ICE2: variants seen among roughly 807,000 people sequenced by gnomAD.
ICE2 encodes the protein interactor of little elongation complex ELL subunit 2.
A neutral mutation model predicts 105.4 loss-of-function variants in ICE2; 87 were observed. The ratio of observed to expected loss-of-function variants is 0.83; its 90% CI spans 0.69 to 0.99. ICE2 has a LOEUF of 0.99. ICE2 is among the 50% of genes least tolerant of loss of function. The probability of loss-of-function intolerance (pLI) is 0.00; values close to 1 mark genes in which losing one functional copy is unlikely to be tolerated. For synonymous variants in ICE2, 399 were observed against 392.0 expected (o/e 1.02, Z -0.21); for missense variants, 1,323 against 1,146.7 (o/e 1.15, Z -2.22).
intron 5 of ICE2, among the ~76,000 whole-genome samples, chr15:60,458,391 T>C (rs1309980215): frequency 6.6e-6 from 1 of 152,094 alleles, no homozygotes; most frequent in Non-Finnish European, 1.5e-5. Flanking sequence ...TTATAAAAAA[T>C]GCCCCCTAAA....
chr15:60,467,912 A>G, intron 4 of ICE2, 149 bp downstream of exon 4: 1 of 665,426 alleles, frequency 1.5e-6, no homozygotes, highest in Non-Finnish European at 2.3e-6. Flanking sequence ...AACCAACAAA[A>G]GAATTAAAGC....
intron 9 of ICE2, chr15:60,451,033 G>A (rs2063953151): frequency 3.0e-6 from 1 of 336,868 alleles, no homozygotes; most frequent in Non-Finnish European, 4.2e-6. Flanking sequence ...TTCAAAGCAA[G>A]AAGCGTTATA....
chr15:60,432,052 T>C, intron 13 of ICE2, 68 bp from the exon 14 acceptor site: 1 of 801,976 alleles, frequency 1.2e-6, no homozygotes, highest in Non-Finnish European at 2.1e-6. Flanking sequence ...TTATAGCTCC[T>C]CAGGCAGAGA....
Position 60,467,266 on chromosome 15 carries a change from AT to A in ICE2, c.409-554del, listed in dbSNP as rs539330930. Among the ~76,000 whole-genome samples, 10 of 152,180 alleles carry A rather than the reference AT, an allele frequency of 6.6e-5. No homozygotes were observed. The East Asian group carries it at 1.9e-3, about 29-fold the overall frequency. On this transcript the variant is annotated intron_variant, in intron 4 of 15. Coordinates refer to ENST00000261520, the MANE Select transcript of ICE2 (RefSeq NM_024611.6). ...GCATGAGCCACTGGGCCTGGCCTCAATTTTTTTTAAAAAGACATACATCCGA... is the reference window on the plus strand; with the variant it reads ...GCATGAGCCACTGGGCCTGGCCTCAATTTTTTTAAAAAGACATACATCCGA...
chr15:60,456,652 C>T lies in ICE2; in HGVS notation c.666+5G>A, dbSNP rs1453082370. On this transcript the variant is annotated splice_donor_5th_base_variant and intron_variant, in intron 6 of 15. Transcript: ENST00000261520. Reference sequence around the variant, plus strand: ...AAGCTTATATCGTCTGATAATAAACCTTACCAATGCGAGAAGAGTTTTTTC... The same window carrying T: ...AAGCTTATATCGTCTGATAATAAACTTTACCAATGCGAGAAGAGTTTTTTC... 1.9e-6 allele frequency: 3 copies of T among 1,553,210 alleles called. No individual in the cohort carries two copies. The highest frequency in any genetic ancestry group is 2.6e-6 in the Non-Finnish European group (3 of 1,148,614).
At chr15:60,445,223 A>G (rs2063797788) in intron 11 of ICE2, among the ~76,000 whole-genome samples, 1 of 152,230 alleles carries the variant, frequency 6.6e-6, no homozygotes, top group Non-Finnish European at 1.5e-5. Flanking sequence ...GTTGGTTTTT[A>G]GGTAGGAAAT....
intron 12 of ICE2, chr15:60,441,258 C>T (rs1011143672): frequency 6.6e-6 from 1 of 152,172 alleles, no homozygotes; most frequent in Non-Finnish European, 1.5e-5. Context: ...GCAGGCAGTA[C>T]ATCACCAATT....
At chr15:60,432,649 C>T (rs895520999) in intron 13 of ICE2, among the ~76,000 whole-genome samples, 3 of 151,886 alleles carry the variant, frequency 2.0e-5, no homozygotes, top group Admixed American at 6.5e-5. Flanking sequence ...TCCCAGCACT[C>T]TGGGAGGCCA....
chr15:60,475,532 T>C (rs1310307142), intron 3 of ICE2, among the ~76,000 whole-genome samples: 2 of 152,164 alleles, frequency 1.3e-5, no homozygotes, highest in Non-Finnish European at 2.9e-5. Context: ...AGTACATCTA[T>C]AGGCTATATA....
intron 7 of ICE2, 68 bp downstream of exon 7, chr15:60,455,258 C>T (rs886945932): frequency 4.9e-5 from 75 of 1,525,548 alleles, no homozygotes; most frequent in Non-Finnish European, 6.5e-5. Flanking sequence ...TTGGGACAAT[C>T]GGGTTAGATA....
At position 60,434,549 on chromosome 15, in the gene ICE2, ACACACACACACACACAC is replaced by A. The variant is rs2063539319; in HGVS notation, c.2510+1577_2510+1593del. Among the ~76,000 whole-genome samples, 4 of 88,426 alleles carry A rather than the reference ACACACACACACACACAC, an allele frequency of 4.5e-5. No individual in the cohort carries two copies. The South Asian group carries it at 2.0e-3, about 43-fold the overall frequency. 58.0% of individuals were successfully genotyped at this position (88,426 alleles called of 152,430 possible). A position where few individuals can be genotyped will look rare whatever the true frequency, so the allele number is the denominator to read the frequency against. On this transcript the variant is annotated intron_variant, in intron 13 of 15. Coordinates refer to ENST00000261520, the MANE Select transcript of ICE2 (RefSeq NM_024611.6). ...CACACACACACACACACACACACAC[ACACACACACACACACAC>A]AATGGAATATATTCAGCCATAAAAG...
At chr15:60,459,095 G>T (rs1250720404) in intron 5 of ICE2, among the ~76,000 whole-genome samples, 1 of 152,126 alleles carries the variant, frequency 6.6e-6, no homozygotes, top group Non-Finnish European at 1.5e-5. Flanking sequence ...CTTAAATGGT[G>T]AAAACGGTAA....
chr15:60,437,523 G>A (rs1001278074), intron 12 of ICE2, among the ~76,000 whole-genome samples: 1 of 151,774 alleles, frequency 6.6e-6, no homozygotes, highest in Non-Finnish European at 1.5e-5. Flanking sequence ...AGTAGAGACT[G>A]GGTTTCATCA....
intron 5 of ICE2, among the ~76,000 whole-genome samples, chr15:60,461,850 T>G (rs768557559): frequency 2.0e-5 from 3 of 152,094 alleles, no homozygotes; most frequent in Non-Finnish European, 4.4e-5. Context: ...AATGGCTGAT[T>G]CCAGGGCCAG....
chr15:60,466,965 A>C (rs2064448651), intron 4 of ICE2, among the ~76,000 whole-genome samples: 1 of 152,196 alleles, frequency 6.6e-6, no homozygotes, highest in Admixed American at 6.5e-5. Context: ...GATTTTATAA[A>C]ATGCTGTCAA....
intron 11 of ICE2, among the ~76,000 whole-genome samples, chr15:60,446,827 T>C (rs954732535): frequency 6.6e-6 from 1 of 152,216 alleles, no homozygotes. Context: ...ATGATTCTTA[T>C]TGGGCAGTGG....
chr15:60,450,507 C>T (rs1328699292), intron 9 of ICE2, among the ~76,000 whole-genome samples: 1 of 152,202 alleles, frequency 6.6e-6, no homozygotes, highest in African/African-American at 2.4e-5. Flanking sequence ...TTCAGGACTA[C>T]ACTGTCCCCT....
chr15:60,452,916 G>C, intron 9 of ICE2: 1 of 985,400 alleles, frequency 1.0e-6, no homozygotes, highest in Non-Finnish European at 1.2e-6. Context: ...AAGCTCACCT[G>C]TTCCTTTTCA....
At chr15:60,453,272 C>T in intron 9 of ICE2, 2 of 1,042,630 alleles carry the variant, frequency 1.9e-6, no homozygotes, top group Non-Finnish European at 2.3e-6. Flanking sequence ...ACCAATTAAA[C>T]AAAACCTCAT....
Sources: allele counts gnomAD v4.1 joint callset (sites outside exome capture counted in the v4.1 genomes callset), GRCh38; gene constraint gnomAD v4.1.1; transcripts MANE v1.5; gene names NCBI Gene and HGNC (gene_info 2026-07-23, HGNC 2026-07-21).